The following FAM222B variants were observed in gnomAD, a reference collection of about 807,000 sequenced individuals.
FAM222B encodes protein FAM222B.
In FAM222B, 12 loss-of-function variants were observed where a neutral mutation model predicts 38.0. The ratio of observed to expected loss-of-function variants is 0.32; its 90% confidence interval spans 0.20 to 0.51. The LOEUF (loss-of-function observed/expected upper bound fraction) is 0.51, where lower values mean the gene tolerates loss of function less well. FAM222B is among the 20% of genes least tolerant of loss of function. The pLI is 0.97. For missense variants in FAM222B, 716 were observed against 754.2 expected, an observed-to-expected ratio of 0.95 and a Z score of 0.59; for synonymous variants, 329 against 317.2, an observed-to-expected ratio of 1.04 and a Z score of -0.40.
chr17:28,764,815 G>A lies in FAM222B; in HGVS notation c.82+1771C>T, dbSNP rs9898968. On this transcript the variant is annotated intron_variant, in intron 2 of 2. Transcript: ENST00000581407. Reference sequence around the variant, plus strand: ...CCAAGATAAAGCTGCCAATTTGCCCGTCCTCCAAATGGCTTTTCCCTTGAT... The same window carrying A: ...CCAAGATAAAGCTGCCAATTTGCCCATCCTCCAAATGGCTTTTCCCTTGAT... 7.4e-3 allele frequency among the ~76,000 whole-genome samples: 1,130 copies of A among 151,986 alleles called. 17 individuals are homozygous for A. The highest frequency in any genetic ancestry group is 0.025 in the African/African-American group (1,029 of 41,458).
chr17:28,779,121 T>C (rs2036045169), intron 1 of FAM222B, among the ~76,000 whole-genome samples: 1 of 151,970 alleles, frequency 6.6e-6, no homozygotes, highest in Non-Finnish European at 1.5e-5. Context: ...TACCAATTCT[T>C]CTCAAACTCT....
At chr17:28,839,543 A>G (rs887620563) in intron 1 of FAM222B, among the ~76,000 whole-genome samples, 1 of 152,194 alleles carries the variant, frequency 6.6e-6, no homozygotes, top group Non-Finnish European at 1.5e-5. Context: ...ACTGATGGAA[A>G]TTTCCAGTAG....
chr17:28,843,141 T>G (rs1456804106), upstream of FAM222B, among the ~76,000 whole-genome samples: 5 of 151,592 alleles, frequency 3.3e-5, no homozygotes, highest in African/African-American at 7.3e-5. Context: ...TTTGGGTCTT[T>G]TTTTTTTTTT....
chr17:28,825,105 T>G (rs2038390324), intron 1 of FAM222B, among the ~76,000 whole-genome samples: 1 of 151,214 alleles, frequency 6.6e-6, no homozygotes. Flanking sequence ...TTCTTTCTAG[T>G]CACAAATCGA....
chr17:28,800,495 C>G (rs754102949), intron 1 of FAM222B, among the ~76,000 whole-genome samples: 36 of 152,136 alleles, frequency 2.4e-4, no homozygotes, highest in Non-Finnish European at 1.3e-4. Context: ...AACAATTTCT[C>G]CCAAAATATA....
intron 1 of FAM222B, among the ~76,000 whole-genome samples, chr17:28,806,605 C>A (rs1428324071): frequency 6.6e-6 from 1 of 152,116 alleles, no homozygotes; most frequent in Non-Finnish European, 1.5e-5. Context: ...CAAAACAAAA[C>A]AAAATAAAAT....
chr17:28,810,636 A>G (rs2037717455), intron 1 of FAM222B, among the ~76,000 whole-genome samples: 1 of 152,208 alleles, frequency 6.6e-6, no homozygotes, highest in Non-Finnish European at 1.5e-5. Flanking sequence ...TTCCCTCCCA[A>G]TTTAAATACA....
At chr17:28,791,287 T>C (rs1431833161) in intron 1 of FAM222B, among the ~76,000 whole-genome samples, 1 of 151,978 alleles carries the variant, frequency 6.6e-6, no homozygotes, top group African/African-American at 2.4e-5. Context: ...ATGAGAGTGG[T>C]CTGTTAGCAA....
intron 1 of FAM222B, among the ~76,000 whole-genome samples, chr17:28,826,535 G>A (rs11656256): frequency 0.19 from 28,625 of 151,762 alleles, 2,836 homozygotes; most frequent in South Asian, 0.3. Flanking sequence ...AAAAAAAACA[G>A]CCAGGCGTGG....
At chr17:28,835,003 C>T (rs922836831) in intron 1 of FAM222B, among the ~76,000 whole-genome samples, 3 of 144,620 alleles carry the variant, frequency 2.1e-5, no homozygotes, top group Non-Finnish European at 4.6e-5. Flanking sequence ...TACAGGCGCC[C>T]ACCACTACAC....
chr17:28,816,116 T>TA lies in FAM222B; in HGVS notation c.-41+26565dup, dbSNP rs879343900. Among the ~76,000 whole-genome samples the TA allele has an allele frequency of 1.3e-3, 184 of 144,016 alleles. No homozygotes were observed. In the Middle Eastern group the frequency reaches 0.03, roughly 24 times the overall value. 94.5% of individuals were successfully genotyped at this position (144,016 alleles called of 152,430 possible). Reference sequence around the variant, plus strand: ...CATGGTGAAACCTCATCGCTACAATTAAAAAAAAAAATTAGCCCAGTATGG... The same window carrying TA: ...CATGGTGAAACCTCATCGCTACAATTAAAAAAAAAAAATTAGCCCAGTATGG... On this transcript the variant is annotated intron_variant, in intron 1 of 2. Transcript: ENST00000581407.
chr17:28,815,274 C>T (rs1205056912), intron 1 of FAM222B, among the ~76,000 whole-genome samples: 5 of 150,876 alleles, frequency 3.3e-5, no homozygotes, highest in African/African-American at 9.7e-5. Context: ...AGTGCAGTGG[C>T]GCGATCTCGG....
chr17:28,760,269 C>T (rs552191454), intron 2 of FAM222B, among the ~76,000 whole-genome samples: 1 of 152,206 alleles, frequency 6.6e-6, no homozygotes, highest in African/African-American at 2.4e-5. Flanking sequence ...CGAGAGTTCT[C>T]CCCCTACACA....
intron 1 of FAM222B, among the ~76,000 whole-genome samples, chr17:28,853,571 G>C (rs1186053796): frequency 6.6e-6 from 1 of 152,102 alleles, no homozygotes; most frequent in Non-Finnish European, 1.5e-5. Flanking sequence ...TACAATGTAA[G>C]TGCTATATAA....
At chr17:28,818,434 A>G (rs1376737790) in intron 1 of FAM222B, among the ~76,000 whole-genome samples, 1 of 151,926 alleles carries the variant, frequency 6.6e-6, no homozygotes, top group Non-Finnish European at 1.5e-5. Flanking sequence ...AGGCTGAGGC[A>G]GGAGAATGGC....
chr17:28,778,706 TA>T, intron 1 of FAM222B, among the ~76,000 whole-genome samples: 2 of 80,502 alleles, frequency 2.5e-5, no homozygotes, highest in Non-Finnish European at 4.8e-5. Context: ...TGTATATATA[TA>T]TATATATATA....
At chr17:28,818,559 A>C (rs1820876672) in intron 1 of FAM222B, among the ~76,000 whole-genome samples, 1 of 151,178 alleles carries the variant, frequency 6.6e-6, no homozygotes, top group Admixed American at 6.6e-5. Context: ...ATAAAAATAA[A>C]AAATAAAAAT....
At chr17:28,790,884 C>CAATTTT (rs71135852) in intron 1 of FAM222B, among the ~76,000 whole-genome samples, 2 of 86,062 alleles carry the variant, frequency 2.3e-5, no homozygotes, top group African/African-American at 9.3e-5. Context: ...AATTGTTTCA[C>CAATTTT]TTTTTTTTTT....
chr17:28,814,972 C>G (rs1413029497), intron 1 of FAM222B, among the ~76,000 whole-genome samples: 2 of 151,254 alleles, frequency 1.3e-5, no homozygotes, highest in Non-Finnish European at 2.9e-5. Flanking sequence ...CGGGGTTTCA[C>G]CATGTTGCCC....
Sources: allele counts gnomAD v4.1 joint callset (sites outside exome capture counted in the v4.1 genomes callset), GRCh38; gene constraint gnomAD v4.1.1; transcripts MANE v1.5; gene names NCBI Gene and HGNC (gene_info 2026-07-23, HGNC 2026-07-21).